The following FBXO25 variants were observed in gnomAD, a reference collection of about 807,000 sequenced individuals.
FBXO25 encodes F-box only protein 25.
A neutral mutation model predicts 51.9 loss-of-function variants in FBXO25; 45 were observed. That is an observed-to-expected ratio of 0.87 (90% CI 0.68 to 1.11). The LOEUF is 1.11. Among genes scored for constraint, FBXO25 ranks in the 50% most tolerant of loss-of-function variants. The pLI, the probability that FBXO25 is intolerant of heterozygous loss-of-function variation, is 0.00. For missense variants in FBXO25, 507 were observed against 428.5 expected (o/e 1.18, Z -1.62); for synonymous variants, 199 against 151.0 (o/e 1.32, Z -2.33).
intron 1 of FBXO25, among the ~76,000 whole-genome samples, chr8:407,658 T>C (rs189085061): frequency 0.033 from 4,952 of 150,534 alleles, 98 homozygotes; most frequent in Middle Eastern, 0.052. Context: ...CCGGGCTCGG[T>C]CCTTGCCTCT....
At chr8:429,679 T>C (rs976218909) in intron 2 of FBXO25, among the ~76,000 whole-genome samples, 1 of 152,238 alleles carries the variant, frequency 6.6e-6, no homozygotes, top group Admixed American at 6.5e-5. Context: ...TTTCCCCGTT[T>C]AAAATACTTT....
chr8:441,822 C>T (rs570733050), intron 5 of FBXO25, among the ~76,000 whole-genome samples: 1 of 152,252 alleles, frequency 6.6e-6, no homozygotes, highest in African/African-American at 2.4e-5. Context: ...CCATCTCACA[C>T]CAGTTAGGAT....
At chr8:439,519 A>G (rs1798298959) in intron 5 of FBXO25, among the ~76,000 whole-genome samples, 2 of 152,238 alleles carry the variant, frequency 1.3e-5, no homozygotes, top group Non-Finnish European at 1.5e-5. Context: ...GACCAATTAG[A>G]TAGCACATCC....
chr8:445,164 A>G (rs554869040), intron 5 of FBXO25, among the ~76,000 whole-genome samples: 161 of 152,290 alleles, frequency 1.1e-3, no homozygotes, highest in Admixed American at 2.6e-3. Context: ...CTCTATGCTT[A>G]CCTATGCCTC....
At chr8:423,445 C>T (rs1156828760) in intron 2 of FBXO25, among the ~76,000 whole-genome samples, 1 of 152,084 alleles carries the variant, frequency 6.6e-6, no homozygotes, top group Non-Finnish European at 1.5e-5. Context: ...CCCACCCCCA[C>T]TCCCTCTACC....
chr8:457,135 C>G (rs766044182), intron 7 of FBXO25, among the ~76,000 whole-genome samples: 1 of 152,188 alleles, frequency 6.6e-6, no homozygotes. Flanking sequence ...AAATCAGAAG[C>G]TCGCAGGTGA....
rs1800685912 is a variant in FBXO25 at position 477,757 on chromosome 8, CAATAA to C, written c.*8957_*8961del. ...GTGGCTGTGTTCCAAACTTTTTGGA[CAATAA>C]AATCTGAATTTCACATACTTTTCTT... On this transcript the variant is annotated 3_prime_UTR_variant, in exon 10 of 10. Transcript: ENST00000350302. The C allele has an allele frequency of 6.6e-6, 1 of 152,290 alleles. No individual in the cohort carries two copies. Among genetic ancestry groups the C allele is most frequent in the Non-Finnish European group, 1.5e-5 (1 of 68,050 alleles). 9.4% of individuals were successfully genotyped at this position (152,290 alleles called of 1,614,324 possible).
At chr8:448,010 A>G (rs1798845985) in intron 5 of FBXO25, among the ~76,000 whole-genome samples, 1 of 152,192 alleles carries the variant, frequency 6.6e-6, no homozygotes, top group Non-Finnish European at 1.5e-5. Context: ...GTTTTGGGAA[A>G]CACAAAAAAG....
chr8:441,121 C>T (rs1487051405), intron 5 of FBXO25, among the ~76,000 whole-genome samples: 1 of 150,956 alleles, frequency 6.6e-6, no homozygotes, highest in African/African-American at 2.4e-5. Context: ...GACTATATTA[C>T]AAGGCTACAG....
intron 6 of FBXO25, 122 bp from the exon 7 acceptor site, chr8:451,147 G>A (rs1799061153): frequency 2.7e-6 from 2 of 742,106 alleles, no homozygotes; most frequent in Non-Finnish European, 4.3e-6. Flanking sequence ...TCTATTGCAT[G>A]TATAGATCAC....
rs1184183521 is a variant in FBXO25 at position 433,040 on chromosome 8, T to C, written c.288+105T>C. The C allele has an allele frequency of 3.9e-6, 5 of 1,279,676 alleles. No homozygotes were observed. In the East Asian group the frequency reaches 1.2e-4, roughly 31 times the overall value. 79.3% of individuals were successfully genotyped at this position (1,279,676 alleles called of 1,614,324 possible). ...TAAAGTTGCATAAAACACATTTCTT[T>C]TGCAATATCAGATCTATGGTTCACA... is the stretch of plus-strand genomic sequence containing the variant. On this transcript the variant is annotated intron_variant, in intron 4 of 9. Transcript: ENST00000350302.
At position 445,076 on chromosome 8, in the gene FBXO25, T is replaced by A. The variant is rs115445828; in HGVS notation, c.382-4914T>A. On this transcript the variant is annotated intron_variant, in intron 5 of 9. Coordinates refer to ENST00000350302, the MANE Select transcript of FBXO25 (RefSeq NM_183420.2). ...GAATGATTACAGTTTCTTTGTTAAT[T>A]GTCTTTCGCCCTGTTATCTTAATTA... Among the ~76,000 whole-genome samples the A allele has an allele frequency of 6.0e-3, 915 of 152,348 alleles. 8 individuals are homozygous for A. Among genetic ancestry groups the A allele is most frequent in the African/African-American group, 0.022 (896 of 41,570 alleles).
chr8:448,306 A>G (rs754361920), intron 5 of FBXO25, among the ~76,000 whole-genome samples: 17 of 152,208 alleles, frequency 1.1e-4, no homozygotes, highest in South Asian at 2.1e-4. Context: ...TGAGTGTGCC[A>G]TATCCTACAG....
At chr8:458,163 C>T (rs1183012161) in intron 7 of FBXO25, among the ~76,000 whole-genome samples, 1 of 152,232 alleles carries the variant, frequency 6.6e-6, no homozygotes, top group Admixed American at 6.5e-5. Flanking sequence ...GGTTCTGTCA[C>T]GCTGTGCAGC....
chr8:431,611 C>T (rs184042762), intron 3 of FBXO25, among the ~76,000 whole-genome samples, 167 bp downstream of exon 3: 5 of 152,298 alleles, frequency 3.3e-5, no homozygotes, highest in African/African-American at 1.2e-4. Context: ...GCAGCTCAAC[C>T]GTTTCAGTGG....
chr8:460,320 T>C (rs1206233062), intron 8 of FBXO25, among the ~76,000 whole-genome samples: 1 of 152,178 alleles, frequency 6.6e-6, no homozygotes, highest in African/African-American at 2.4e-5. Flanking sequence ...ACCCACATCC[T>C]AGAATAGTTA....
intron 6 of FBXO25, 64 bp downstream of exon 6, chr8:450,147 G>C: frequency 3.3e-6 from 4 of 1,229,974 alleles, no homozygotes; most frequent in Non-Finnish European, 4.7e-6. Flanking sequence ...CAAGGAGATG[G>C]GATTTTTCTT....
At chr8:417,230 G>T (rs888921897) in intron 2 of FBXO25, among the ~76,000 whole-genome samples, 11 of 152,194 alleles carry the variant, frequency 7.2e-5, no homozygotes, top group Non-Finnish European at 1.2e-4. Flanking sequence ...TGAGTGATGT[G>T]GGGAGTCAGG....
chr8:468,337 G>A, intron 9 of FBXO25: 5 of 910,254 alleles, frequency 5.5e-6, no homozygotes, highest in Non-Finnish European at 6.6e-6. Context: ...AGGAACAGGA[G>A]GACAGGACAA....
Sources: allele counts gnomAD v4.1 joint callset (sites outside exome capture counted in the v4.1 genomes callset), GRCh38; gene constraint gnomAD v4.1.1; transcripts MANE v1.5; gene names NCBI Gene and HGNC (gene_info 2026-07-23, HGNC 2026-07-21).